The following ZMYND19 variants were observed in gnomAD, a reference collection of about 807,000 sequenced individuals.
ZMYND19 encodes the protein zinc finger MYND-type containing 19.
In ZMYND19, 17 loss-of-function variants were observed where a neutral mutation model predicts 32.0. The observed-to-expected ratio is 0.53, with a 90% CI of 0.36 to 0.80. The LOEUF is 0.80. Among genes scored for constraint, ZMYND19 ranks in the 30% least tolerant of loss-of-function variants. The pLI is 0.00. For synonymous variants in ZMYND19, 124 were observed against 113.6 expected (o/e 1.09, Z -0.58); for missense variants, 250 against 293.6 (o/e 0.85, Z 1.09).
At chr9:137,585,336 C>T (rs1165628296) in intron 4 of ZMYND19, among the ~76,000 whole-genome samples, 1 of 150,006 alleles carries the variant, frequency 6.7e-6, no homozygotes, top group Non-Finnish European at 1.5e-5. Context: ...GGCAGAATTG[C>T]TTGAACTGGG....
chr9:137,589,494 C>A (rs1379210152), intron 1 of ZMYND19: 1 of 985,350 alleles, frequency 1.0e-6, no homozygotes, highest in African/African-American at 1.7e-5. Context: ...CGGGTAAGGA[C>A]CCTGGCTGGT....
At chr9:137,587,577 G>T (rs984831499) in intron 3 of ZMYND19, 140 bp downstream of exon 3, 13 of 741,640 alleles carry the variant, frequency 1.8e-5, no homozygotes, top group Non-Finnish European at 2.4e-5. Context: ...GGTTAGTGGT[G>T]AAGGACACAA....
rs779409409 is a variant in ZMYND19 at position 137,582,423 on chromosome 9, G to A, written c.*120C>T. On this transcript the variant is annotated 3_prime_UTR_variant, in exon 6 of 6. Coordinates refer to ENST00000298585, the MANE Select transcript of ZMYND19 (RefSeq NM_138462.3). ...CTGCCTGTGACATCGGGAGTCTCAC[G>A]GCAGCTGTCCTGGGCCCGCAGCTGG... The A allele has an allele frequency of 1.6e-5, 23 of 1,412,084 alleles. No individual in the cohort carries two copies. The highest frequency in any genetic ancestry group is 7.1e-5 in the African/African-American group (5 of 69,966). The allele number at this position is 1,412,084 out of a possible 1,614,324, so 87.5% of individuals were successfully genotyped here. A position where few individuals can be genotyped will look rare whatever the true frequency, so the allele number is the denominator to read the frequency against.
chr9:137,587,487 G>A, intron 3 of ZMYND19: 1 of 604,550 alleles, frequency 1.7e-6, no homozygotes, highest in South Asian at 2.0e-5. Flanking sequence ...TCCCTCCAGA[G>A]GCTGCCGGTC....
chr9:137,590,323 C>T lies in ZMYND19; in HGVS notation c.-60G>A. 1 of 996,114 alleles carries T rather than the reference C, an allele frequency of 1.0e-6. No individual in the cohort carries two copies. Among genetic ancestry groups the T allele is most frequent in the Non-Finnish European group, 1.2e-6 (1 of 833,580 alleles). The allele number at this position is 996,114 out of a possible 1,614,324, so 61.7% of individuals were successfully genotyped here. A position where few individuals can be genotyped will look rare whatever the true frequency, so the allele number is the denominator to read the frequency against. On this transcript the variant is annotated 5_prime_UTR_variant, in exon 1 of 6. Transcript: ENST00000298585. This position sits in a 1 kb window ranked among gnomAD's most constrained non-coding sequence, Gnocchi z 4.2. ...CCCTCGGGAGGCGCCGAGCGGGGGC[C>T]GGGGCGAGGCCGCGGCGCGCCGGGA...
At chr9:137,584,131 C>T (rs542007811) in intron 4 of ZMYND19, among the ~76,000 whole-genome samples, 13 of 152,402 alleles carry the variant, frequency 8.5e-5, no homozygotes, top group African/African-American at 2.9e-4. Flanking sequence ...CAGGCCCACA[C>T]TGGCCAGCTC....
At chr9:137,587,443 G>A (rs974182724) in intron 3 of ZMYND19, 3 of 591,306 alleles carry the variant, frequency 5.1e-6, no homozygotes, top group East Asian at 2.8e-5. Context: ...CACCGGGGGG[G>A]CTCGGCAAAA....
Position 137,590,018 on chromosome 9 carries a change from T to A in ZMYND19, c.51+195A>T. 1 of 984,730 alleles carries A rather than the reference T, an allele frequency of 1.0e-6. No homozygotes were observed. The highest frequency in any genetic ancestry group is 1.2e-6 in the Non-Finnish European group (1 of 829,684). 61.0% of individuals were successfully genotyped at this position (984,730 alleles called of 1,614,324 possible). ...GTGCACCCCAGAGCCGAGGGGTGCG[T>A]GCCCGCCGGCCTGCGAGAGGAAGCT... On this transcript the variant is annotated intron_variant, in intron 1 of 5. Coordinates refer to ENST00000298585, the MANE Select transcript of ZMYND19 (RefSeq NM_138462.3). The surrounding 1 kb of genome is among the most constrained non-coding windows in gnomAD (Gnocchi z 4.2).
At chr9:137,589,484 C>CGGGTAAGG in intron 1 of ZMYND19, 1 of 985,478 alleles carries the variant, frequency 1.0e-6, no homozygotes, top group Non-Finnish European at 1.2e-6. Context: ...GGCTCCCATC[C>CGGGTAAGG]GGGTAAGGAC....
At chr9:137,587,677 G>T (rs369520869) in intron 3 of ZMYND19, 40 bp downstream of exon 3, 1 of 1,587,602 alleles carries the variant, frequency 6.3e-7, no homozygotes, top group Non-Finnish European at 8.6e-7. Flanking sequence ...TCACCCAGGA[G>T]CCCAGTGGCG....
At chr9:137,587,939 T>A (rs2133302398) in intron 2 of ZMYND19, 116 bp from the exon 3 acceptor site, 1 of 1,028,326 alleles carries the variant, frequency 9.7e-7, no homozygotes, top group South Asian at 1.3e-5. Flanking sequence ...ATGCCAGCCC[T>A]GTCCCTGAGA....
At position 137,590,431 on chromosome 9, in the gene ZMYND19, C is replaced by A. The variant is rs1842260690; in HGVS notation, c.-168G>T. ...AGGCTGGGCCGGGCTCGGGCCTCCG[C>A]CGCCGCCTCGCGCCCGCCGGACCTG... On this transcript the variant is annotated 5_prime_UTR_variant, in exon 1 of 6. Coordinates refer to ENST00000298585, the MANE Select transcript of ZMYND19 (RefSeq NM_138462.3). The surrounding 1 kb of genome is among the most constrained non-coding windows in gnomAD (Gnocchi z 4.2). 1.5e-5 allele frequency: 4 copies of A among 265,968 alleles called. No individual in the cohort carries two copies. The highest frequency in any genetic ancestry group is 1.7e-5 in the Non-Finnish European group (3 of 174,650). 16.5% of individuals were successfully genotyped at this position (265,968 alleles called of 1,614,324 possible). A position where few individuals can be genotyped will look rare whatever the true frequency, so the allele number is the denominator to read the frequency against.
chr9:137,589,504 T>G (rs1842245092), intron 1 of ZMYND19: 1 of 985,248 alleles, frequency 1.0e-6, no homozygotes, highest in African/African-American at 1.7e-5. Flanking sequence ...CCCTGGCTGG[T>G]GCAGCTGCAC....
rs375269701 is a variant in ZMYND19 at position 137,587,010 on chromosome 9, A to G, written c.316T>C (p.Trp106Arg). Residue 106 changes from tryptophan (W) to arginine (R), a missense_variant, in exon 4 of 6, where the codon TGG becomes CGG. Trp to Arg is a moderately radical substitution (Grantham distance 101). This residue lies in a region of ZMYND19 where 212 missense variants were observed against 218.8 expected (regional missense o/e 0.97). Coordinates refer to ENST00000298585, the MANE Select transcript of ZMYND19 (RefSeq NM_138462.3). ...NRLDNLQLVP[W>R]GWRPKAEETS... Reference sequence around the variant, plus strand: ...TCTTCAGCCTTGGGCCGCCAGCCCCACGGCACCAGTTGCAGGTTGTCCAGG... The same window carrying G: ...TCTTCAGCCTTGGGCCGCCAGCCCCGCGGCACCAGTTGCAGGTTGTCCAGG... 4.3e-6 allele frequency: 7 copies of G among 1,612,414 alleles called. No individual in the cohort carries two copies. Among genetic ancestry groups the G allele is most frequent in the Non-Finnish European group, 5.1e-6 (6 of 1,180,000 alleles).
intron 3 of ZMYND19, chr9:137,587,330 C>T (rs1306557419): frequency 1.1e-5 from 8 of 728,276 alleles, no homozygotes; most frequent in Admixed American, 6.0e-5. Context: ...AGGGAGGACC[C>T]GGCCCCTGGA....
chr9:137,588,360 A>G (rs1842230042), intron 2 of ZMYND19, among the ~76,000 whole-genome samples: 1 of 152,242 alleles, frequency 6.6e-6, no homozygotes, highest in Non-Finnish European at 1.5e-5. Context: ...ACGTGACACA[A>G]TCACAAACAT....
At chr9:137,584,639 T>C (rs1471281505) in intron 4 of ZMYND19, among the ~76,000 whole-genome samples, 2 of 152,226 alleles carry the variant, frequency 1.3e-5, no homozygotes, top group African/African-American at 2.4e-5. Flanking sequence ...TGTATCAATG[T>C]GGGACAACGC....
chr9:137,586,249 A>C (rs907555324), intron 4 of ZMYND19, among the ~76,000 whole-genome samples: 4 of 152,232 alleles, frequency 2.6e-5, no homozygotes, highest in African/African-American at 9.7e-5. Context: ...GTGTGCACAG[A>C]AAAGAATCCT....
At chr9:137,585,687 G>A (rs1842196712) in intron 4 of ZMYND19, among the ~76,000 whole-genome samples, 1 of 152,178 alleles carries the variant, frequency 6.6e-6, no homozygotes, top group African/African-American at 2.4e-5. Context: ...TGGCATTTTG[G>A]AGGCCTGGGG....
Sources: gnomAD v4.1 joint callset for allele counts (sites outside exome capture counted in the v4.1 genomes callset) on GRCh38, gnomAD v4.1.1 for gene constraint, gnomAD v4.1.1 regional missense constraint, Gnocchi (gnomAD v3.1) non-coding constraint, MANE v1.5 for transcripts, NCBI Gene and HGNC (gene_info 2026-07-23, HGNC 2026-07-21) for gene names.